CSMD3: variants seen among roughly 807,000 people sequenced by gnomAD.
The protein encoded by CSMD3 is CUB and Sushi multiple domains 3, also known as CUB and sushi domain-containing protein 3.
CSMD3 carries 177 observed loss-of-function variants against 435.2 expected under a neutral mutation model. The ratio of observed to expected loss-of-function variants is 0.41; its 90% CI spans 0.36 to 0.46. The LOEUF is 0.46. Ranked by LOEUF, CSMD3 falls within the 20% of genes least tolerant of loss-of-function variation. The pLI, the probability that CSMD3 is intolerant of heterozygous loss-of-function variation, is 0.34. For missense variants in CSMD3, 4,265 were observed against 4,504.6 expected (o/e 0.95, Z 1.52); for synonymous variants, 1,656 against 1,520.5 (o/e 1.09, Z -2.07).
chr8:113,225,851 T>C (rs1328422104), intron 3 of CSMD3, among the ~76,000 whole-genome samples: 1 of 151,498 alleles, frequency 6.6e-6, no homozygotes, highest in Non-Finnish European at 1.5e-5. Context: ...TCATACTGAA[T>C]TGTAATCCGA....
intron 5 of CSMD3, among the ~76,000 whole-genome samples, chr8:113,062,704 T>C (rs1750297630): frequency 6.6e-6 from 1 of 151,802 alleles, no homozygotes; most frequent in Non-Finnish European, 1.5e-5. Flanking sequence ...TGCTCCCTTT[T>C]GTTTGACAAA....
intron 3 of CSMD3, among the ~76,000 whole-genome samples, chr8:113,177,209 A>G (rs1051301563): frequency 2.0e-5 from 3 of 151,708 alleles, no homozygotes; most frequent in Non-Finnish European, 4.4e-5. Flanking sequence ...ACCTAAAAGC[A>G]GAGTTGCAAA....
rs775957381 is a variant in CSMD3 at position 112,289,429 on chromosome 8, T to C, written c.9084A>G (p.Leu3028=). Residue 3028 remains leucine (L), a synonymous_variant, in exon 57 of 71, where the codon TTA becomes TTG. Coordinates refer to ENST00000297405, the MANE Select transcript of CSMD3 (RefSeq NM_198123.2). ...ATTGGCAGGTTCTTGATGACTGGCCTAAAAGGGAACGCTTTCCTGTGCAGG... is the reference window on the plus strand; with the variant it reads ...ATTGGCAGGTTCTTGATGACTGGCCCAAAAGGGAACGCTTTCCTGTGCAGG... The part of the protein sequence containing the change: ...HYSCTGKRSL[L]GQSSRTCQLN... 9.3e-6 allele frequency: 15 copies of C among 1,613,406 alleles called. No homozygotes were observed. The highest frequency in any genetic ancestry group is 1.2e-5 in the Non-Finnish European group (14 of 1,179,580).
chr8:112,485,807 T>G (rs924635408), intron 31 of CSMD3, among the ~76,000 whole-genome samples: 8 of 152,082 alleles, frequency 5.3e-5, no homozygotes, highest in African/African-American at 1.9e-4. Context: ...TAAAAGCTTG[T>G]ATCATTCCAC....
intron 1 of CSMD3, among the ~76,000 whole-genome samples, chr8:113,371,610 T>C (rs550993962): frequency 1.3e-5 from 2 of 152,186 alleles, no homozygotes; most frequent in Non-Finnish European, 2.9e-5. Flanking sequence ...TTTATAATCT[T>C]AATGTGAGTC....
intron 61 of CSMD3, among the ~76,000 whole-genome samples, chr8:112,257,015 C>A (rs956001448): frequency 6.6e-6 from 1 of 152,090 alleles, no homozygotes; most frequent in Non-Finnish European, 1.5e-5. Flanking sequence ...CCAAATAAAA[C>A]CTTCCCTGAA....
intron 3 of CSMD3, among the ~76,000 whole-genome samples, chr8:113,239,640 G>T (rs1023656694): frequency 1.3e-5 from 2 of 151,986 alleles, no homozygotes; most frequent in African/African-American, 2.4e-5. Context: ...GTGTTAACAT[G>T]GCTTTGGAAA....
intron 22 of CSMD3, among the ~76,000 whole-genome samples, chr8:112,635,274 CAAT>C (rs1170786507): frequency 6.6e-6 from 1 of 151,984 alleles, no homozygotes; most frequent in Non-Finnish European, 1.5e-5. Flanking sequence ...TAACTCATAA[CAAT>C]GAGTTAGGTG....
At chr8:112,810,719 A>G (rs191121378) in intron 12 of CSMD3, among the ~76,000 whole-genome samples, 134 of 152,206 alleles carry the variant, frequency 8.8e-4, no homozygotes, top group Non-Finnish European at 1.1e-3. Context: ...AATAAATGCT[A>G]AAAGTCCTAG....
chr8:112,729,659 G>T (rs545410040), intron 13 of CSMD3, among the ~76,000 whole-genome samples: 2 of 152,012 alleles, frequency 1.3e-5, no homozygotes, highest in Admixed American at 1.3e-4. Flanking sequence ...AAAAGAGAGA[G>T]GAAAAAATAA....
At chr8:113,361,070 G>T (rs919914614) in intron 1 of CSMD3, among the ~76,000 whole-genome samples, 2 of 152,072 alleles carry the variant, frequency 1.3e-5, no homozygotes, top group Admixed American at 6.6e-5. Flanking sequence ...ATTTTAGATG[G>T]CATCTTTAAG....
chr8:112,312,329 A>G (rs937234995), intron 49 of CSMD3, among the ~76,000 whole-genome samples: 3 of 152,080 alleles, frequency 2.0e-5, no homozygotes, highest in African/African-American at 7.2e-5. Context: ...ACCTTGGCTC[A>G]TTGCAACGCC....
At chr8:113,070,785 G>A (rs1229589422) in intron 5 of CSMD3, among the ~76,000 whole-genome samples, 2 of 151,964 alleles carry the variant, frequency 1.3e-5, no homozygotes, top group Admixed American at 6.6e-5. Context: ...ATGAACAAGG[G>A]AGTATAGGTA....
intron 69 of CSMD3, among the ~76,000 whole-genome samples, chr8:112,231,023 A>G (rs1394228810): frequency 3.3e-5 from 5 of 152,176 alleles, no homozygotes; most frequent in African/African-American, 4.8e-5. Flanking sequence ...TGGAAATAAA[A>G]ATGACAAAAT....
At chr8:112,475,410 T>C (rs1430516791) in intron 31 of CSMD3, among the ~76,000 whole-genome samples, 1 of 152,258 alleles carries the variant, frequency 6.6e-6, no homozygotes, top group African/African-American at 2.4e-5. Flanking sequence ...ATGGTAATAT[T>C]ATGTTAGATT....
intron 24 of CSMD3, among the ~76,000 whole-genome samples, chr8:112,557,960 T>G (rs565161862): frequency 7.5e-4 from 114 of 152,040 alleles, no homozygotes; most frequent in Non-Finnish European, 1.3e-3. Flanking sequence ...CTTGTCGGAT[T>G]GAGCCCCTAA....
intron 13 of CSMD3, among the ~76,000 whole-genome samples, chr8:112,768,529 T>C (rs2078036223): frequency 6.6e-6 from 1 of 151,946 alleles, no homozygotes; most frequent in Non-Finnish European, 1.5e-5. Context: ...TTTATTGTCC[T>C]GACACATTTT....
chr8:112,354,588 C>A (rs1826419202), intron 38 of CSMD3, among the ~76,000 whole-genome samples: 1 of 152,034 alleles, frequency 6.6e-6, no homozygotes, highest in Non-Finnish European at 1.5e-5. Context: ...AAGAATGCAA[C>A]CCCATTTACA....
chr8:113,313,085 G>C (rs1244123285), intron 2 of CSMD3: 1 of 152,142 alleles, frequency 6.6e-6, no homozygotes, highest in Non-Finnish European at 1.5e-5. Context: ...TTGTAGACAT[G>C]CAGCAGGTTC....
Sources: allele counts gnomAD v4.1 joint callset (sites outside exome capture counted in the v4.1 genomes callset), GRCh38; gene constraint gnomAD v4.1.1; transcripts MANE v1.5; gene names NCBI Gene and HGNC (gene_info 2026-07-23, HGNC 2026-07-21).